ARHGAP35: variants seen among roughly 807,000 people sequenced by gnomAD.
ARHGAP35 encodes the protein rho GTPase-activating protein 35.
Under a neutral mutation model 111.1 loss-of-function variants are expected in ARHGAP35, and 15 were observed. The observed-to-expected ratio is 0.13, with a 90% confidence interval of 0.09 to 0.21. The LOEUF is 0.21. Among genes scored for constraint, ARHGAP35 ranks in the 10% least tolerant of loss-of-function variants. The probability of loss-of-function intolerance (pLI) is 1.00; values close to 1 mark genes in which losing one functional copy is unlikely to be tolerated. For synonymous variants in ARHGAP35, 643 were observed against 710.3 expected (o/e 0.91, Z 1.51); for missense variants, 1,262 against 1,873.0 (o/e 0.67, Z 6.02).
intron 1 of ARHGAP35, among the ~76,000 whole-genome samples, chr19:46,900,026 T>C (rs1385915639): frequency 6.6e-6 from 1 of 152,152 alleles, no homozygotes; most frequent in Non-Finnish European, 1.5e-5. Flanking sequence ...TGTTGATTTT[T>C]CTATATAAAT....
intron 1 of ARHGAP35, among the ~76,000 whole-genome samples, chr19:46,878,637 T>TTTG (rs200543933): frequency 1.2e-3 from 187 of 152,070 alleles, no homozygotes; most frequent in African/African-American, 3.7e-3. Flanking sequence ...TTCCTTTGTT[T>TTTG]TTGTTGTTGT....
At chr19:46,951,832 G>A (rs977265786) in intron 3 of ARHGAP35, among the ~76,000 whole-genome samples, 14 of 152,312 alleles carry the variant, frequency 9.2e-5, no homozygotes, top group African/African-American at 9.6e-5. Context: ...AGTAGCCCAC[G>A]TGACTTGTTC....
chr19:46,958,534 T>C (rs187856130), intron 3 of ARHGAP35, among the ~76,000 whole-genome samples: 1 of 152,310 alleles, frequency 6.6e-6, no homozygotes, highest in East Asian at 1.9e-4. Context: ...TTAAATATTT[T>C]ATGTGTGGAT....
At chr19:46,875,338 CT>C (rs909673854) in intron 1 of ARHGAP35, among the ~76,000 whole-genome samples, 4 of 152,132 alleles carry the variant, frequency 2.6e-5, no homozygotes, top group African/African-American at 9.6e-5. Context: ...AGATTTTTGT[CT>C]TTTGTTCCTC....
Position 46,986,739 on chromosome 19 carries a change from A to G in ARHGAP35, c.3827-1250A>G, listed in dbSNP as rs983689601. Among the ~76,000 whole-genome samples, 1 of 152,258 alleles carries G rather than the reference A, an allele frequency of 6.6e-6. No individual in the cohort carries two copies. Among genetic ancestry groups the G allele is most frequent in the African/African-American group, 2.4e-5 (1 of 41,472 alleles). On this transcript the variant is annotated intron_variant, in intron 3 of 6. Coordinates refer to ENST00000672722, the MANE Select transcript of ARHGAP35 (RefSeq NM_004491.5). The surrounding 1 kb of genome is among the most constrained non-coding windows in gnomAD (Gnocchi z 4.3). ...GAAAATTAACAAGAACATGAATACG[A>G]TATTCACAAAGTAAGAAATACCTAT...
At chr19:46,983,480 G>A (rs2056632041) in intron 3 of ARHGAP35, among the ~76,000 whole-genome samples, 1 of 151,984 alleles carries the variant, frequency 6.6e-6, no homozygotes, top group Non-Finnish European at 1.5e-5. Flanking sequence ...TTTTTAAACA[G>A]TACCCCAGTC....
At chr19:46,938,395 C>G (rs555020002) in intron 3 of ARHGAP35, among the ~76,000 whole-genome samples, 1 of 152,024 alleles carries the variant, frequency 6.6e-6, no homozygotes, top group African/African-American at 2.4e-5. Context: ...ACTCTGTTGC[C>G]CAGGCTGGAG....
At position 46,989,851 on chromosome 19, in the gene ARHGAP35, G is replaced by A. The variant is rs1051069538; in HGVS notation, c.4036+176G>A. ...ACTTGCAAATCGGGCTCCTGCCCTT[G>A]TAGACCTTAGGTGCTTATCTGAGGG... is the stretch of plus-strand genomic sequence containing the variant. On this transcript the variant is annotated intron_variant, in intron 5 of 6. Transcript: ENST00000672722. This position sits in a 1 kb window ranked among gnomAD's most constrained non-coding sequence, Gnocchi z 5.3. 6.6e-6 allele frequency among the ~76,000 whole-genome samples: 1 copy of A among 152,190 alleles called. No homozygotes were observed. Among genetic ancestry groups the A allele is most frequent in the African/African-American group, 2.4e-5 (1 of 41,458 alleles).
chr19:47,001,406 TA>T lies in ARHGAP35; in HGVS notation c.*723del, dbSNP rs983322137. The T allele has an allele frequency of 1.8e-4, 237 of 1,284,940 alleles. No homozygotes were observed. The highest frequency in any genetic ancestry group is 2.3e-4 in the Non-Finnish European group (225 of 984,798). The allele number at this position is 1,284,940 out of a possible 1,614,324, so 79.6% of individuals were successfully genotyped here. A position where few individuals can be genotyped will look rare whatever the true frequency, so the allele number is the denominator to read the frequency against. ...AAAATGGAAAAACCCTTCCAGTAAT[TA>T]AAAAGGAAGAAACCACAGAAAGAAA... is the stretch of plus-strand genomic sequence containing the variant. On this transcript the variant is annotated 3_prime_UTR_variant, in exon 7 of 7. Transcript: ENST00000672722. This position sits in a 1 kb window ranked among gnomAD's most constrained non-coding sequence, Gnocchi z 5.4.
At position 46,999,318 on chromosome 19, in the gene ARHGAP35, G is replaced by A. The variant is rs1053021639; in HGVS notation, c.4051G>A (p.Glu1351Lys). The A allele has an allele frequency of 1.9e-6, 3 of 1,588,364 alleles. No individual in the cohort carries two copies. The highest frequency in any genetic ancestry group is 2.3e-5 in the East Asian group (1 of 43,904). Residue 1351 changes from glutamate to lysine, a missense_variant, in exon 6 of 7, where the codon GAG (glutamate) becomes AAG (lysine). Around this residue, in one of 8 missense-constraint regions of ARHGAP35, gnomAD observed 50 missense variants for 60.5 expected, o/e 0.83. Transcript: ENST00000672722. The surrounding 1 kb of genome is among the most constrained non-coding windows in gnomAD (Gnocchi z 5.4). ...LVEAHKINDREQKLHALKEVL... is the reference protein window; with the variant it reads ...LVEAHKINDRKQKLHALKEVL... ...TCTCTCCTCAGAAATCAACGACCGGGAGCAGAAGTTGCATGCCCTTAAGGA... is the reference window on the plus strand; with the variant it reads ...TCTCTCCTCAGAAATCAACGACCGGAAGCAGAAGTTGCATGCCCTTAAGGA...
chr19:46,987,091 G>C (rs867333159), intron 3 of ARHGAP35, among the ~76,000 whole-genome samples: 4 of 152,022 alleles, frequency 2.6e-5, no homozygotes, highest in Admixed American at 1.3e-4. Context: ...ACCTCCCAAA[G>C]TGCTGGGATT....
At chr19:46,984,063 A>G (rs1233280073) in intron 3 of ARHGAP35, among the ~76,000 whole-genome samples, 6 of 152,200 alleles carry the variant, frequency 3.9e-5, no homozygotes, top group Admixed American at 3.9e-4. Context: ...ACTTAAACAT[A>G]GAAGATAATT....
chr19:46,985,789 C>A (rs139662464), intron 3 of ARHGAP35, among the ~76,000 whole-genome samples: 1 of 152,204 alleles, frequency 6.6e-6, no homozygotes, highest in East Asian at 1.9e-4. Context: ...GGTCCATTAA[C>A]CTCCTTTTCT....
In ARHGAP35 at chr19:46,932,238, C is replaced by T. The variant is rs1401669369; in HGVS notation, c.3682-5026C>T. ...CGGAGGTTGTAGTGAGCCAAGATTG[C>T]GCTACGGCACTCCAGCTTGGGTGAC... On this transcript the variant is annotated intron_variant, in intron 2 of 6. Coordinates refer to ENST00000672722, the MANE Select transcript of ARHGAP35 (RefSeq NM_004491.5). 2.6e-5 allele frequency among the ~76,000 whole-genome samples: 4 copies of T among 152,164 alleles called. No homozygotes were observed. The South Asian group carries it at 6.2e-4, about 24-fold the overall frequency.
intron 3 of ARHGAP35, among the ~76,000 whole-genome samples, chr19:46,940,427 C>T (rs2056340028): frequency 6.6e-6 from 1 of 151,306 alleles, no homozygotes; most frequent in Non-Finnish European, 1.5e-5. Context: ...ACTCGGGAAG[C>T]TGAGGCAGGA....
chr19:46,915,313 C>G (rs1347207772), intron 1 of ARHGAP35, among the ~76,000 whole-genome samples: 1 of 152,158 alleles, frequency 6.6e-6, no homozygotes. Flanking sequence ...AACATGGCAT[C>G]TTTAGGAACA....
rs79564482 is a variant in ARHGAP35 at position 46,869,734 on chromosome 19, G to C, written c.-189+8525G>C. Among the ~76,000 whole-genome samples, 108 of 152,114 alleles carry C rather than the reference G, an allele frequency of 7.1e-4. 1 individual carries two copies. In the East Asian group the frequency reaches 0.018, roughly 25 times the overall value. ...GAAAGTCAGCACTGCATTAATACAAGATTATTAGATTCTTGAAATCAGCAT... is the reference window on the plus strand; with the variant it reads ...GAAAGTCAGCACTGCATTAATACAACATTATTAGATTCTTGAAATCAGCAT... On this transcript the variant is annotated intron_variant, in intron 1 of 6. Transcript: ENST00000672722.
At position 46,861,386 on chromosome 19, in the gene ARHGAP35, G is replaced by A. The variant is rs1270076646; in HGVS notation, c.-189+177G>A. 1.9e-4 allele frequency among the ~76,000 whole-genome samples: 26 copies of A among 136,354 alleles called. No homozygotes were observed. The East Asian group carries it at 5.5e-3, about 29-fold the overall frequency. The allele number at this position is 136,354 out of a possible 152,430, so 89.5% of individuals were successfully genotyped here. On this transcript the variant is annotated intron_variant, in intron 1 of 6. Coordinates refer to ENST00000672722, the MANE Select transcript of ARHGAP35 (RefSeq NM_004491.5). ...CGGGCCCCGCCGTCCCCGTCGCTTC[G>A]CGCGTCGGCCCGGCCCGTGGGGCCC...
chr19:46,927,835 C>G (rs2056247375), intron 2 of ARHGAP35, among the ~76,000 whole-genome samples: 2 of 152,148 alleles, frequency 1.3e-5, no homozygotes, highest in Admixed American at 6.5e-5. Context: ...CCCTGGTGTT[C>G]TGACTTCCAC....
Sources: allele counts gnomAD v4.1 joint callset (sites outside exome capture counted in the v4.1 genomes callset), GRCh38; gene constraint gnomAD v4.1.1; regional missense constraint gnomAD v4.1.1; non-coding constraint Gnocchi (gnomAD v3.1); transcripts MANE v1.5; gene names NCBI Gene and HGNC (gene_info 2026-07-23, HGNC 2026-07-21).